Variants in CERCAM observed in about 807,000 individuals in gnomAD.
The protein encoded by CERCAM is cerebral endothelial cell adhesion molecule.
In CERCAM, 59 loss-of-function variants were observed where a neutral mutation model predicts 66.0. That is an observed-to-expected ratio of 0.89 (90% CI 0.73 to 1.11). The LOEUF is 1.11. Among genes scored for constraint, CERCAM ranks in the 50% most tolerant of loss-of-function variants. The pLI is 0.00. For missense variants in CERCAM, 840 were observed against 828.3 expected, an observed-to-expected ratio of 1.01 and a Z score of -0.17; for synonymous variants, 318 against 343.6, an observed-to-expected ratio of 0.93 and a Z score of 0.83.
chr9:128,425,504 T>A (rs1230006714), intron 5 of CERCAM, among the ~76,000 whole-genome samples: 2 of 151,208 alleles, frequency 1.3e-5, no homozygotes, highest in African/African-American at 4.9e-5. Flanking sequence ...AGACCTCATC[T>A]CTTTTCTGCC....
rs762545041 is a variant in CERCAM, at chr9:128,435,764, G to A, written c.1647G>A (p.Thr549=). 6 of 1,613,362 alleles carry A rather than the reference G, an allele frequency of 3.7e-6. No homozygotes were observed. The highest frequency in any genetic ancestry group is 1.7e-4 in the Middle Eastern group (1 of 6,060). The part of the protein sequence containing the change: ...YAGDAEWLSD[T]ETSSPWDDDS... ...GGGACGCCGAGTGGCTCAGTGACACGGAGACATCCTCTCCATGGGATGATG... is the reference window on the plus strand; with the variant it reads ...GGGACGCCGAGTGGCTCAGTGACACAGAGACATCCTCTCCATGGGATGATG... Residue 549 remains threonine, a synonymous_variant, in exon 12 of 13, where the codon ACG becomes ACA. Coordinates refer to ENST00000372838, the MANE Select transcript of CERCAM (RefSeq NM_016174.5).
At chr9:128,422,156 G>T (rs1833724031) in intron 1 of CERCAM, 1 of 152,276 alleles carries the variant, frequency 6.6e-6, no homozygotes, top group African/African-American at 2.4e-5. Flanking sequence ...AGGGACAGGG[G>T]CTGGCCTGTG....
At chr9:128,424,842 T>C (rs1286118496) in intron 5 of CERCAM, among the ~76,000 whole-genome samples, 13 of 147,376 alleles carry the variant, frequency 8.8e-5, no homozygotes, top group Admixed American at 1.4e-4. Context: ...CTGCCTCAGC[T>C]TCCCGAGTAG....
intron 5 of CERCAM, among the ~76,000 whole-genome samples, chr9:128,426,084 G>A (rs1355893483): frequency 3.9e-5 from 6 of 151,970 alleles, no homozygotes; most frequent in Admixed American, 6.6e-5. Context: ...AATTACAGGC[G>A]TGAGCCACCG....
chr9:128,424,038 C>A, intron 3 of CERCAM, 100 bp from the exon 4 acceptor site: 1 of 1,364,728 alleles, frequency 7.3e-7, no homozygotes, highest in Non-Finnish European at 1.0e-6. Flanking sequence ...CCCACTGGAT[C>A]CTAGGAGCCA....
At chr9:128,424,765 CT>C (rs767789425) in intron 5 of CERCAM, 151 bp downstream of exon 5, 104,227 of 533,914 alleles carry the variant, frequency 0.2, no homozygotes, top group South Asian at 0.25. Context: ...TTTTCTCTCT[CT>C]TTTTTTTTTT....
At chr9:128,432,825 C>G (rs1214662853) in intron 9 of CERCAM, among the ~76,000 whole-genome samples, 1 of 151,764 alleles carries the variant, frequency 6.6e-6, no homozygotes, top group Non-Finnish European at 1.5e-5. Flanking sequence ...CTTCCCACCC[C>G]CCACCCAGCC....
At position 128,422,893 on chromosome 9, in the gene CERCAM, A is replaced by C; in HGVS notation, c.223A>C (p.Asn75His). ...GTGTGCCACGGACCACAATGTGGACAACACCACAGAGATGCTGCAGGAGTG... is the reference window on the plus strand; with the variant it reads ...GTGTGCCACGGACCACAATGTGGACCACACCACAGAGATGCTGCAGGAGTG... The part of the protein sequence containing the change: ...LWCATDHNVD[N>H]TTEMLQEWLA... Residue 75 changes from asparagine (N) to histidine (H), a missense_variant, in exon 2 of 13, where the codon AAC becomes CAC. Transcript: ENST00000372838. 1.9e-6 allele frequency: 3 copies of C among 1,614,124 alleles called. No individual in the cohort carries two copies. Among genetic ancestry groups the C allele is most frequent in the Non-Finnish European group, 2.5e-6 (3 of 1,180,016 alleles).
chr9:128,423,042 G>A, intron 2 of CERCAM, 64 bp downstream of exon 2: 1 of 1,611,560 alleles, frequency 6.2e-7, no homozygotes, highest in Non-Finnish European at 8.5e-7. Context: ...GAGAGGAAAA[G>A]GGACAGCCCA....
intron 5 of CERCAM, 151 bp downstream of exon 5, chr9:128,424,765 C>CTTT (rs767789425): frequency 5.9e-5 from 34 of 575,108 alleles, no homozygotes; most frequent in Non-Finnish European, 8.0e-5. Context: ...TTTTCTCTCT[C>CTTT]TTTTTTTTTT....
Position 128,423,140 on chromosome 9 carries a change from C to T in CERCAM, c.309-6C>T, listed in dbSNP as rs767346117. 2.2e-4 allele frequency: 360 copies of T among 1,613,732 alleles called. No homozygotes were observed. The highest frequency in any genetic ancestry group is 2.9e-4 in the Non-Finnish European group (340 of 1,179,806). ...CCATGGGAACATCTCACCTCTATCCCCTCAGGTTCTACCCAGATGAAGAGG... is the reference window on the plus strand; with the variant it reads ...CCATGGGAACATCTCACCTCTATCCTCTCAGGTTCTACCCAGATGAAGAGG... On this transcript the variant is annotated splice_region_variant and splice_polypyrimidine_tract_variant and intron_variant, in intron 2 of 12. Transcript: ENST00000372838.
Position 128,424,148 on chromosome 9 carries a change from C to G in CERCAM, c.437C>G (p.Thr146Arg). The stretch of plus-strand genomic sequence containing the variant: ...GTCCCCTCCTCAAAGTTTGCAGACA[C>G]AGACAACATTCTGACCAACAATCAG... ...WGADYILFAD[T>R]DNILTNNQTL... The change falls in exon 4 of 13, where the codon ACA (threonine) becomes AGA (arginine). Residue 146 changes from threonine to arginine, a missense_variant. Physicochemically the swap from Thr to Arg is moderately conservative, Grantham distance 71 (BLOSUM62 -1). Coordinates refer to ENST00000372838, the MANE Select transcript of CERCAM (RefSeq NM_016174.5). The G allele has an allele frequency of 5.0e-6, 8 of 1,613,932 alleles. No individual in the cohort carries two copies. The highest frequency in any genetic ancestry group is 6.8e-6 in the Non-Finnish European group (8 of 1,179,906).
chr9:128,434,393 C>T lies in CERCAM; in HGVS notation c.1332-17C>T. On this transcript the variant is annotated splice_polypyrimidine_tract_variant and intron_variant, in intron 10 of 12. Transcript: ENST00000372838. The surrounding 1 kb of genome is among the most constrained non-coding windows in gnomAD (Gnocchi z 4.5). ...CAGGACCTAAGTGACTCCTGGGCCC[C>T]TTGGTGTCACTTACAGCTACCTCGG... 2 of 1,613,552 alleles carry T rather than the reference C, an allele frequency of 1.2e-6. No individual in the cohort carries two copies. The highest frequency in any genetic ancestry group is 2.2e-5 in the South Asian group (2 of 91,066).
chr9:128,435,756 AG>A lies in CERCAM; in HGVS notation c.1640del (p.Ser547MetfsTer33). 2 of 1,613,442 alleles carry A rather than the reference AG, an allele frequency of 1.2e-6. No individual in the cohort carries two copies. The highest frequency in any genetic ancestry group is 8.5e-7 in the Non-Finnish European group (1 of 1,179,884). ...CTATGCCGGGGACGCCGAGTGGCTC[AG>A]TGACACGGAGACATCCTCTCCATGG... ...THYAGDAEWL[S>X]DTETSSPWDD... On this transcript the variant is annotated frameshift_variant, in exon 12 of 13. Coordinates refer to ENST00000372838, the MANE Select transcript of CERCAM (RefSeq NM_016174.5). LOFTEE classifies it high-confidence loss of function.
intron 5 of CERCAM, among the ~76,000 whole-genome samples, 153 bp downstream of exon 5, chr9:128,424,767 T>C (rs910945649): frequency 6.3e-5 from 9 of 142,090 alleles, no homozygotes; most frequent in East Asian, 4.0e-4. Context: ...TTCTCTCTCT[T>C]TTTTTTTTTT....
At chr9:128,430,411 A>AT (rs1043218583) in intron 8 of CERCAM, among the ~76,000 whole-genome samples, 10 of 147,648 alleles carry the variant, frequency 6.8e-5, no homozygotes, top group South Asian at 2.2e-4. Context: ...CTCAAAAAAA[A>AT]TTTTTTTTTT....
chr9:128,428,326 A>G lies in CERCAM; in HGVS notation c.791A>G (p.Glu264Gly), dbSNP rs1833893295. Residue 264 changes from glutamate to glycine, a missense_variant, in exon 6 of 13, where the codon GAG (glutamate) becomes GGG (glycine). Glu to Gly is a moderately conservative substitution (Grantham distance 98). Transcript: ENST00000372838. ...GGGGTCTCCGTCCACGTGTGCAATG[A>G]GCACCGTTATGGGTACATGAATGTG... ...AAGVSVHVCN[E>G]HRYGYMNVPV... is the part of the protein sequence containing the mutation. The G allele has an allele frequency of 6.2e-7, 1 of 1,613,954 alleles. No individual in the cohort carries two copies. The highest frequency in any genetic ancestry group is 1.7e-5 in the Admixed American group (1 of 59,990).
Position 128,431,290 on chromosome 9 carries a change from C to T in CERCAM, c.1190C>T (p.Ser397Phe). 1 of 1,614,070 alleles carries T rather than the reference C, an allele frequency of 6.2e-7. No homozygotes were observed. The highest frequency in any genetic ancestry group is 8.5e-7 in the Non-Finnish European group (1 of 1,180,010). ...GTGGGCTGCTTCCTCAGCCATTACT[C>T]CATCTGGGAAGAGGTGAGGGTGCCT... ...GEVGCFLSHY[S>F]IWEEVVARGL... The change falls in exon 9 of 13, where the codon TCC (serine) becomes TTC (phenylalanine). Residue 397 changes from serine to phenylalanine, a missense_variant. Ser to Phe is a radical substitution (Grantham distance 155). Coordinates refer to ENST00000372838, the MANE Select transcript of CERCAM (RefSeq NM_016174.5).
chr9:128,430,394 ACT>A (rs960038236), intron 8 of CERCAM, among the ~76,000 whole-genome samples: 17 of 150,982 alleles, frequency 1.1e-4, no homozygotes, highest in Non-Finnish European at 2.1e-4. Flanking sequence ...CAACAGTGAG[ACT>A]CTGTCTCAAA....
Sources: gnomAD v4.1 joint callset for allele counts (sites outside exome capture counted in the v4.1 genomes callset) on GRCh38, gnomAD v4.1.1 for gene constraint, Gnocchi (gnomAD v3.1) non-coding constraint, MANE v1.5 for transcripts, NCBI Gene and HGNC (gene_info 2026-07-23, HGNC 2026-07-21) for gene names.